The following ZYG11A variants were observed in gnomAD, a reference collection of about 807,000 sequenced individuals.
ZYG11A encodes the protein zyg-11 family member A, cell cycle regulator.
Under a neutral mutation model 77.2 loss-of-function variants are expected in ZYG11A, and 62 were observed. That is an observed-to-expected ratio of 0.80 (90% CI 0.65 to 0.99). ZYG11A has a LOEUF of 0.99. Ranked by LOEUF, ZYG11A falls within the 50% of genes least tolerant of loss-of-function variation. The pLI is 0.00. For synonymous variants in ZYG11A, 315 were observed against 324.6 expected (o/e 0.97, Z 0.32); for missense variants, 828 against 896.8 (o/e 0.92, Z 0.98).
At chr1:52,866,627 G>C (rs1646031911) in intron 6 of ZYG11A, 60 bp downstream of exon 6, 1 of 997,194 alleles carries the variant, frequency 1.0e-6, no homozygotes, top group East Asian at 2.6e-5. Flanking sequence ...AAATGCAGAG[G>C]CCTGATTAAG....
chr1:52,874,464 T>C (rs1159667875), intron 8 of ZYG11A, among the ~76,000 whole-genome samples: 13 of 151,800 alleles, frequency 8.6e-5, no homozygotes, highest in Non-Finnish European at 1.9e-4. Flanking sequence ...GTCACTCAGG[T>C]TGGTCTCGAG....
chr1:52,871,307 TG>T (rs1238155733), intron 8 of ZYG11A, among the ~76,000 whole-genome samples: 1 of 152,086 alleles, frequency 6.6e-6, no homozygotes, highest in African/African-American at 2.4e-5. Flanking sequence ...TTTAATCCTG[TG>T]ATTTCTGTTC....
chr1:52,892,994 T>C lies in ZYG11A; in HGVS notation c.*37T>C, dbSNP rs755090294. 9 of 1,531,784 alleles carry C rather than the reference T, an allele frequency of 5.9e-6. No individual in the cohort carries two copies. The Middle Eastern group carries it at 1.3e-3, about 214-fold the overall frequency. The allele number at this position is 1,531,784 out of a possible 1,614,324, so 94.9% of individuals were successfully genotyped here. ...TTCAGAGGTGTGTGCTCTTCCTCAATGTCAGGTGTTCTGCCCTGGCAGTAA... is the reference window on the plus strand; with the variant it reads ...TTCAGAGGTGTGTGCTCTTCCTCAACGTCAGGTGTTCTGCCCTGGCAGTAA... On this transcript the variant is annotated 3_prime_UTR_variant, in exon 14 of 14. Coordinates refer to ENST00000371528, the MANE Select transcript of ZYG11A (RefSeq NM_001004339.3).
At chr1:52,849,262 G>T (rs978244468) in intron 1 of ZYG11A, among the ~76,000 whole-genome samples, 9 of 151,886 alleles carry the variant, frequency 5.9e-5, no homozygotes, top group Non-Finnish European at 1.3e-4. Flanking sequence ...TAGAGATGGG[G>T]TTTCACCATA....
At chr1:52,859,192 G>A (rs1010381398) in intron 3 of ZYG11A, among the ~76,000 whole-genome samples, 6 of 151,498 alleles carry the variant, frequency 4.0e-5, no homozygotes, top group South Asian at 2.1e-4. Context: ...TGGGACAGTC[G>A]AGTCCTGCTC....
intron 8 of ZYG11A, among the ~76,000 whole-genome samples, chr1:52,873,060 C>A (rs1646199022): frequency 6.6e-6 from 1 of 152,122 alleles, no homozygotes; most frequent in Non-Finnish European, 1.5e-5. Context: ...TGGCTCATGT[C>A]TGTAATCCTA....
intron 5 of ZYG11A, among the ~76,000 whole-genome samples, chr1:52,865,848 G>A (rs900016237): frequency 6.6e-6 from 1 of 151,666 alleles, no homozygotes; most frequent in African/African-American, 2.4e-5. Context: ...GGGGGTGATA[G>A]AAGTATTATA....
intron 3 of ZYG11A, among the ~76,000 whole-genome samples, chr1:52,859,412 T>G (rs1645880664): frequency 6.6e-6 from 1 of 152,086 alleles, no homozygotes; most frequent in South Asian, 2.1e-4. Context: ...CTCTGCTCAC[T>G]GCAATCTCCG....
intron 13 of ZYG11A, among the ~76,000 whole-genome samples, chr1:52,890,871 A>G (rs1002628131): frequency 2.6e-5 from 4 of 151,444 alleles, no homozygotes; most frequent in Admixed American, 1.3e-4. Context: ...TGTCTGGCCT[A>G]TTTCTCTTTA....
chr1:52,884,144 T>G (rs1646407038), intron 11 of ZYG11A, among the ~76,000 whole-genome samples: 1 of 150,838 alleles, frequency 6.6e-6, no homozygotes, highest in South Asian at 2.2e-4. Flanking sequence ...CCTCCCAAAG[T>G]GCTGGGATTA....
intron 5 of ZYG11A, 31 bp from the exon 6 acceptor site, chr1:52,866,472 T>C: frequency 8.1e-7 from 1 of 1,240,346 alleles, no homozygotes; most frequent in South Asian, 1.3e-5. Flanking sequence ...GTTACATTTG[T>C]TCAAAATTAT....
At chr1:52,886,096 C>G (rs1374458223) in intron 12 of ZYG11A, among the ~76,000 whole-genome samples, 1 of 152,082 alleles carries the variant, frequency 6.6e-6, no homozygotes, top group African/African-American at 2.4e-5. Context: ...CCATGCCCGG[C>G]TAATTTTTTG....
intron 10 of ZYG11A, among the ~76,000 whole-genome samples, chr1:52,881,036 ATTG>A (rs1291783022): frequency 1.3e-5 from 2 of 152,196 alleles, no homozygotes; most frequent in Non-Finnish European, 2.9e-5. Context: ...CCTGACTTTC[ATTG>A]TTGTTGTTAA....
intron 5 of ZYG11A, among the ~76,000 whole-genome samples, chr1:52,865,545 G>T (rs1032152867): frequency 7.2e-5 from 11 of 151,848 alleles, no homozygotes; most frequent in Non-Finnish European, 1.3e-4. Flanking sequence ...TTTATTTATT[G>T]CCAAAAACTT....
intron 1 of ZYG11A, among the ~76,000 whole-genome samples, chr1:52,851,311 G>A (rs1645706125): frequency 6.6e-6 from 1 of 152,100 alleles, no homozygotes; most frequent in Non-Finnish European, 1.5e-5. Flanking sequence ...CTTTGATGCT[G>A]GGATTACAGG....
At chr1:52,845,954 G>A (rs1035707965) in intron 1 of ZYG11A, among the ~76,000 whole-genome samples, 1 of 151,998 alleles carries the variant, frequency 6.6e-6, no homozygotes, top group Non-Finnish European at 1.5e-5. Context: ...ACTGTGCCCG[G>A]CCTTTCTGTG....
intron 5 of ZYG11A, among the ~76,000 whole-genome samples, chr1:52,865,052 C>T (rs1205281466): frequency 6.6e-6 from 1 of 152,100 alleles, no homozygotes. Context: ...ACCTCTGCCT[C>T]CTGCCTCAGC....
At chr1:52,890,156 A>G (rs1289179413) in intron 13 of ZYG11A, among the ~76,000 whole-genome samples, 3 of 135,702 alleles carry the variant, frequency 2.2e-5, no homozygotes, top group African/African-American at 5.7e-5. Context: ...CCCCACCCCT[A>G]TTCTTACTCT....
intron 13 of ZYG11A, among the ~76,000 whole-genome samples, chr1:52,891,494 A>G (rs1646542600): frequency 6.6e-6 from 1 of 151,742 alleles, no homozygotes; most frequent in Non-Finnish European, 1.5e-5. Flanking sequence ...AGAGGTTTCC[A>G]TAGGCTTGTG....
Sources: gnomAD v4.1 joint callset for allele counts (sites outside exome capture counted in the v4.1 genomes callset) on GRCh38, gnomAD v4.1.1 for gene constraint, MANE v1.5 for transcripts, NCBI Gene and HGNC (gene_info 2026-07-23, HGNC 2026-07-21) for gene names.